CLEC2D: variants seen among roughly 807,000 people sequenced by gnomAD.
The protein encoded by CLEC2D is C-type lectin domain family 2 member D, also known as C-type lectin related f.
A neutral mutation model predicts 20.0 loss-of-function variants in CLEC2D; 16 were observed. The ratio of observed to expected loss-of-function variants is 0.80; its 90% CI spans 0.54 to 1.22. The LOEUF (loss-of-function observed/expected upper bound fraction) is 1.22, where lower values mean the gene tolerates loss of function less well. Among genes scored for constraint, CLEC2D ranks in the 50% most tolerant of loss-of-function variants. The probability of loss-of-function intolerance (pLI) is 0.00; values close to 1 mark genes in which losing one functional copy is unlikely to be tolerated. For missense variants in CLEC2D, 207 were observed against 221.5 expected (o/e 0.93, Z 0.42); for synonymous variants, 77 against 71.1 (o/e 1.08, Z -0.42).
chr12:9,693,280 G>C, intron 4 of CLEC2D: 1 of 558,582 alleles, frequency 1.8e-6, no homozygotes, highest in South Asian at 2.7e-5. Flanking sequence ...GTGAGGAACA[G>C]AGGTTTTGAT....
intron 4 of CLEC2D, chr12:9,693,382 A>G: frequency 3.3e-6 from 1 of 300,490 alleles, no homozygotes; most frequent in Non-Finnish European, 6.1e-6. Flanking sequence ...AAAGTTTGGC[A>G]CTAGAAAATT....
chr12:9,672,868 G>A (rs1394060501), intron 1 of CLEC2D, among the ~76,000 whole-genome samples: 2 of 152,002 alleles, frequency 1.3e-5, no homozygotes, highest in East Asian at 3.9e-4. Context: ...ATTGATACTT[G>A]TGTTTGCAAC....
chr12:9,681,146 A>G (rs946873893), intron 2 of CLEC2D, 113 bp downstream of exon 2: 2 of 600,124 alleles, frequency 3.3e-6, no homozygotes, highest in Non-Finnish European at 5.7e-6. Flanking sequence ...TGTCTCACTA[A>G]CTGAGTTACA....
intron 1 of CLEC2D, among the ~76,000 whole-genome samples, chr12:9,675,636 C>T (rs1865507615): frequency 6.6e-6 from 1 of 152,152 alleles, no homozygotes; most frequent in Non-Finnish European, 1.5e-5. Context: ...TTTTGCCTAT[C>T]TATATAAACT....
chr12:9,683,732 A>G (rs972631607), intron 2 of CLEC2D, among the ~76,000 whole-genome samples: 2 of 152,048 alleles, frequency 1.3e-5, no homozygotes, highest in Non-Finnish European at 2.9e-5. Context: ...ATTGGTCAAT[A>G]TATCTGTTTT....
rs186222333 is a variant in CLEC2D, at chr12:9,688,284, G to A, written c.357+198G>A. The A allele has an allele frequency of 7.3e-4, 791 of 1,078,012 alleles. 1 individual carries two copies. Among genetic ancestry groups the A allele is most frequent in the Middle Eastern group, 2.1e-3 (6 of 2,808 alleles). 66.8% of individuals were successfully genotyped at this position (1,078,012 alleles called of 1,614,324 possible). On this transcript the variant is annotated intron_variant, in intron 3 of 4. Transcript: ENST00000290855. ...ACCATCTAAAATTACCTTAATATTC[G>A]TGGCAGGAACAGGCCCAGAGGGCAA... is the stretch of plus-strand genomic sequence containing the variant.
chr12:9,683,322 GTTTTTTGTGTTTGTTTT>G (rs1282381697), intron 2 of CLEC2D, among the ~76,000 whole-genome samples: 2 of 80,880 alleles, frequency 2.5e-5, no homozygotes, highest in African/African-American at 1.2e-4. Context: ...ATGATAGTTT[GTTTTTTGTGTTTGTTTT>G]TTTTTTTTTT....
intron 1 of CLEC2D, 113 bp from the exon 2 acceptor site, chr12:9,680,810 C>T: frequency 1.7e-6 from 1 of 578,328 alleles, no homozygotes; most frequent in East Asian, 2.8e-5. Context: ...TCATTTGCAT[C>T]CTCTAGTGAA....
At chr12:9,680,583 T>C (rs1264344715) in intron 1 of CLEC2D, among the ~76,000 whole-genome samples, 1 of 152,202 alleles carries the variant, frequency 6.6e-6, no homozygotes, top group Non-Finnish European at 1.5e-5. Context: ...TTAAAAATAT[T>C]TCTTTACATT....
At chr12:9,675,104 A>G (rs1438870011) in intron 1 of CLEC2D, among the ~76,000 whole-genome samples, 1 of 151,546 alleles carries the variant, frequency 6.6e-6, no homozygotes, top group Non-Finnish European at 1.5e-5. Flanking sequence ...TTTATGAAAG[A>G]TCAGTTGACT....
In CLEC2D at chr12:9,695,550, A is replaced by G. The variant is rs1021023956; in HGVS notation, c.*676A>G. The G allele has an allele frequency of 4.0e-5, 53 of 1,323,958 alleles. No homozygotes were observed. Among genetic ancestry groups the G allele is most frequent in the Non-Finnish European group, 5.5e-5 (51 of 931,644 alleles). The allele number at this position is 1,323,958 out of a possible 1,614,324, so 82.0% of individuals were successfully genotyped here. ...GCTCAGGGGCTGGTGCAAAGGATGA[A>G]CTGCACATTGTTGAAGCAGAGGCCA... On this transcript the variant is annotated 3_prime_UTR_variant, in exon 5 of 5. Transcript: ENST00000290855.
At chr12:9,691,459 A>G (rs531018864) in intron 3 of CLEC2D, among the ~76,000 whole-genome samples, 20 of 152,146 alleles carry the variant, frequency 1.3e-4, no homozygotes, top group Admixed American at 2.6e-4. Flanking sequence ...AGAGCAGAAT[A>G]TTAATTCTTC....
rs918084826 is a variant in CLEC2D at position 9,695,380 on chromosome 12, C to T, written c.*506C>T. On this transcript the variant is annotated 3_prime_UTR_variant, in exon 5 of 5. Transcript: ENST00000290855. ...TCTCCTACCTAAGTGTGTGTCGCCA[C>T]CCGATGGAAGATTCGATGGACATGG... The T allele has an allele frequency of 2.5e-5, 37 of 1,454,986 alleles. No individual in the cohort carries two copies. The highest frequency in any genetic ancestry group is 3.1e-5 in the Non-Finnish European group (33 of 1,052,220). The allele number at this position is 1,454,986 out of a possible 1,614,324, so 90.1% of individuals were successfully genotyped here. A position where few individuals can be genotyped will look rare whatever the true frequency, so the allele number is the denominator to read the frequency against.
rs1245053339 is a variant in CLEC2D, at chr12:9,694,746, T to A, written c.462-14T>A. On this transcript the variant is annotated splice_polypyrimidine_tract_variant and intron_variant, in intron 4 of 4. Coordinates refer to ENST00000290855, the MANE Select transcript of CLEC2D (RefSeq NM_013269.6). ...ATGTTCAGTGGCCAACTGATTCTGCTTCTTCTCTTGCAGGTTTCCTATCCT... is the reference window on the plus strand; with the variant it reads ...ATGTTCAGTGGCCAACTGATTCTGCATCTTCTCTTGCAGGTTTCCTATCCT... 2 of 1,464,388 alleles carry A rather than the reference T, an allele frequency of 1.4e-6. No homozygotes were observed. Among genetic ancestry groups the A allele is most frequent in the Non-Finnish European group, 1.9e-6 (2 of 1,043,974 alleles). The allele number at this position is 1,464,388 out of a possible 1,614,324, so 90.7% of individuals were successfully genotyped here.
intron 2 of CLEC2D, among the ~76,000 whole-genome samples, chr12:9,682,427 G>T (rs921346158): frequency 6.6e-6 from 1 of 151,838 alleles, no homozygotes; most frequent in African/African-American, 2.4e-5. Context: ...CCGCAGGTTC[G>T]TTACATAGGT....
intron 1 of CLEC2D, among the ~76,000 whole-genome samples, chr12:9,680,033 T>C (rs1448526711): frequency 2.6e-5 from 4 of 152,220 alleles, no homozygotes; most frequent in African/African-American, 9.7e-5. Context: ...AAATCTCATC[T>C]TGAATTGTAG....
At position 9,696,433 on chromosome 12, in the gene CLEC2D, G is replaced by A. The variant is rs1409732020; in HGVS notation, c.*1559G>A. 4.4e-6 allele frequency: 2 copies of A among 452,774 alleles called. No individual in the cohort carries two copies. Among genetic ancestry groups the A allele is most frequent in the Non-Finnish European group, 8.1e-6 (2 of 245,522 alleles). 28.0% of individuals were successfully genotyped at this position (452,774 alleles called of 1,614,324 possible). On this transcript the variant is annotated 3_prime_UTR_variant, in exon 5 of 5. Coordinates refer to ENST00000290855, the MANE Select transcript of CLEC2D (RefSeq NM_013269.6). ...AAGATGGAACTCCACCCTTTGCTTG[G>A]TTTTAAGTATGTATGGGATGCTATG...
intron 3 of CLEC2D, among the ~76,000 whole-genome samples, chr12:9,689,970 T>G (rs1302429945): frequency 6.6e-6 from 1 of 151,832 alleles, no homozygotes; most frequent in East Asian, 1.9e-4. Flanking sequence ...AACAAAACTT[T>G]CCAAAATCTG....
At chr12:9,671,244 G>A (rs757600801) in intron 1 of CLEC2D, among the ~76,000 whole-genome samples, 1 of 152,196 alleles carries the variant, frequency 6.6e-6, no homozygotes, top group South Asian at 2.1e-4. Context: ...CTTTTTTTGA[G>A]GTGGAGTCTC....
Sources: gnomAD v4.1 joint callset for allele counts (sites outside exome capture counted in the v4.1 genomes callset) on GRCh38, gnomAD v4.1.1 for gene constraint, MANE v1.5 for transcripts, NCBI Gene and HGNC (gene_info 2026-07-23, HGNC 2026-07-21) for gene names.